The following YTHDF3 variants were observed in gnomAD, a reference collection of about 807,000 sequenced individuals.
YTHDF3 encodes the protein YTH N6-methyladenosine RNA binding protein F3.
Under a neutral mutation model 52.5 loss-of-function variants are expected in YTHDF3, and 9 were observed. The observed-to-expected ratio is 0.17, with a 90% CI of 0.10 to 0.30. The LOEUF (loss-of-function observed/expected upper bound fraction) is 0.30. YTHDF3 is among the 10% of genes least tolerant of loss of function. YTHDF3 has a pLI of 1.00. For synonymous variants in YTHDF3, 274 were observed against 243.3 expected (o/e 1.13, Z -1.18); for missense variants, 534 against 715.0 (o/e 0.75, Z 2.89).
intron 4 of YTHDF3, among the ~76,000 whole-genome samples, chr8:63,189,233 G>A (rs1159245985): frequency 1.3e-5 from 2 of 152,006 alleles, no homozygotes; most frequent in East Asian, 1.9e-4. Context: ...CTATTGAGTG[G>A]CCCATATGGG....
intron 4 of YTHDF3, among the ~76,000 whole-genome samples, chr8:63,202,163 G>T (rs564198177): frequency 6.6e-6 from 1 of 152,264 alleles, no homozygotes; most frequent in South Asian, 2.1e-4. Flanking sequence ...AAATGTAAAT[G>T]TAAGTTTAAG....
In YTHDF3 at chr8:63,187,481, T is replaced by G. The variant is rs1402014919; in HGVS notation, c.1470T>G (p.Gly490=). ...KSVVDYNAYA[G]VWSQDKWKGK... is the part of the protein sequence containing the mutation. ...TTGTGGACTATAATGCGTATGCTGG[T>G]GTCTGGTCTCAGGATAAGTGGAAGG... is the stretch of plus-strand genomic sequence containing the variant. Residue 490 remains glycine, a synonymous_variant, in exon 4 of 5, where the codon GGT becomes GGG. Transcript: ENST00000539294. 6.2e-7 allele frequency: 1 copy of G among 1,613,982 alleles called. No individual in the cohort carries two copies. The highest frequency in any genetic ancestry group is 8.5e-7 in the Non-Finnish European group (1 of 1,179,890).
At chr8:63,184,849 C>T (rs1808394395) in intron 3 of YTHDF3, among the ~76,000 whole-genome samples, 1 of 152,128 alleles carries the variant, frequency 6.6e-6, no homozygotes, top group Admixed American at 6.5e-5. Flanking sequence ...CTGTGCGGTG[C>T]TTTAAAATCA....
chr8:63,195,731 CGTGTGTGTGTGTGT>C (rs61277098), intron 4 of YTHDF3, among the ~76,000 whole-genome samples: 6 of 145,266 alleles, frequency 4.1e-5, no homozygotes, highest in East Asian at 2.0e-4. Flanking sequence ...CATGTATTTA[CGTGTGTGTGTGTGT>C]GTGTGTGTGT....
At chr8:63,180,709 C>T (rs373645398) in intron 3 of YTHDF3, among the ~76,000 whole-genome samples, 3 of 152,358 alleles carry the variant, frequency 2.0e-5, no homozygotes, top group South Asian at 4.1e-4. Flanking sequence ...AACCAGACTC[C>T]GTCTGCAATC....
intron 1 of YTHDF3, chr8:63,169,103 C>A (rs1210592230): frequency 7.2e-7 from 1 of 1,379,646 alleles, no homozygotes; most frequent in Non-Finnish European, 9.3e-7. Flanking sequence ...GGTGCCGCGG[C>A]GGGTGGGGGC....
chr8:63,206,310 G>A (rs543863274), intron 4 of YTHDF3, among the ~76,000 whole-genome samples: 3 of 152,198 alleles, frequency 2.0e-5, no homozygotes, highest in Non-Finnish European at 4.4e-5. Context: ...TGATCCGCCT[G>A]CCTCAGCCTC....
intron 4 of YTHDF3, among the ~76,000 whole-genome samples, chr8:63,203,797 A>G (rs1376301470): frequency 1.3e-5 from 2 of 152,172 alleles, no homozygotes; most frequent in Non-Finnish European, 2.9e-5. Flanking sequence ...CTTGTCAGGT[A>G]TTTTGTAAGA....
At chr8:63,182,969 T>C (rs1164793505) in intron 3 of YTHDF3, among the ~76,000 whole-genome samples, 1 of 151,758 alleles carries the variant, frequency 6.6e-6, no homozygotes, top group East Asian at 1.9e-4. Flanking sequence ...TTTTTTTTTT[T>C]TCTTTTTTGA....
chr8:63,209,154 C>G (rs894693046), intron 4 of YTHDF3, among the ~76,000 whole-genome samples: 1 of 152,186 alleles, frequency 6.6e-6, no homozygotes, highest in Non-Finnish European at 1.5e-5. Context: ...AGGCATGAGC[C>G]ACTGCGCCCG....
chr8:63,183,387 T>C (rs953672555), intron 3 of YTHDF3, among the ~76,000 whole-genome samples: 11 of 152,226 alleles, frequency 7.2e-5, no homozygotes, highest in African/African-American at 2.2e-4. Context: ...ATGAGTACTT[T>C]CCATTTTTAG....
intron 4 of YTHDF3, among the ~76,000 whole-genome samples, chr8:63,189,435 G>C (rs1200258953): frequency 6.6e-6 from 1 of 152,208 alleles, no homozygotes; most frequent in Admixed American, 6.5e-5. Context: ...GGTAAAGTTA[G>C]AAGCTCCTCC....
At position 63,187,404 on chromosome 8, in the gene YTHDF3, T is replaced by G. The variant is rs746588064; in HGVS notation, c.1393T>G (p.Phe465Val). The part of the protein sequence containing the change: ...LNGKGPLYLL[F>V]SVNGSGHFCG... ...TGGGAAAGGCCCACTCTATTTACTC[T>G]TCAGTGTGAATGGCAGTGGACATTT... Residue 465 changes from phenylalanine (F) to valine (V), a missense_variant, in exon 4 of 5, where the codon TTC (phenylalanine) becomes GTC (valine). Around this residue, in one of 3 missense-constraint regions of YTHDF3, gnomAD observed 135 missense variants for 214.2 expected, o/e 0.63. Transcript: ENST00000539294. 5 of 1,613,904 alleles carry G rather than the reference T, an allele frequency of 3.1e-6. No homozygotes were observed. Among genetic ancestry groups the G allele is most frequent in the Non-Finnish European group, 3.4e-6 (4 of 1,179,908 alleles).
intron 3 of YTHDF3, among the ~76,000 whole-genome samples, chr8:63,185,158 G>T (rs1458010764): frequency 6.6e-6 from 1 of 151,006 alleles, no homozygotes; most frequent in Non-Finnish European, 1.5e-5. Context: ...CTAAATCAAA[G>T]ATCGAAAATC....
Position 63,210,496 on chromosome 8 carries a change from C to T in YTHDF3, c.*790C>T, listed in dbSNP as rs1810314618. ...TTGAGTAAATGTACCTCAGTCTAAT[C>T]AGACTTTTTATGACCTTTATAACTA... On this transcript the variant is annotated 3_prime_UTR_variant, in exon 5 of 5. Coordinates refer to ENST00000539294, the MANE Select transcript of YTHDF3 (RefSeq NM_152758.6). The T allele has an allele frequency of 6.5e-6, 1 of 152,704 alleles. No homozygotes were observed. Among genetic ancestry groups the T allele is most frequent in the African/African-American group, 2.4e-5 (1 of 41,558 alleles). The allele number at this position is 152,704 out of a possible 1,614,324, so 9.5% of individuals were successfully genotyped here. A position where few individuals can be genotyped will look rare whatever the true frequency, so the allele number is the denominator to read the frequency against.
At chr8:63,169,184 C>G in intron 1 of YTHDF3, 1 of 1,382,270 alleles carries the variant, frequency 7.2e-7, no homozygotes, top group Admixed American at 2.8e-5. Context: ...CGGGCGAGCT[C>G]TGGGAGACGG....
At chr8:63,208,221 A>C (rs1221655538) in intron 4 of YTHDF3, among the ~76,000 whole-genome samples, 1 of 152,290 alleles carries the variant, frequency 6.6e-6, no homozygotes, top group Middle Eastern at 3.4e-3. Context: ...TTATGTATGA[A>C]ATAATGCTCT....
At chr8:63,204,966 A>G (rs1259407590) in intron 4 of YTHDF3, among the ~76,000 whole-genome samples, 1 of 152,200 alleles carries the variant, frequency 6.6e-6, no homozygotes, top group Non-Finnish European at 1.5e-5. Flanking sequence ...CATTGAAGAA[A>G]GTCTTGGTTT....
intron 3 of YTHDF3, among the ~76,000 whole-genome samples, chr8:63,181,862 G>A (rs1331251786): frequency 2.0e-5 from 3 of 152,102 alleles, no homozygotes; most frequent in Admixed American, 6.5e-5. Flanking sequence ...GAAGAATTAC[G>A]GTTGGTGAAA....
Sources: allele counts gnomAD v4.1 joint callset (sites outside exome capture counted in the v4.1 genomes callset), GRCh38; gene constraint gnomAD v4.1.1; regional missense constraint gnomAD v4.1.1; transcripts MANE v1.5; gene names NCBI Gene and HGNC (gene_info 2026-07-23, HGNC 2026-07-21).